CDK14: variants seen among roughly 807,000 people sequenced by gnomAD.
CDK14 encodes the protein cyclin-dependent kinase 14.
In CDK14, 34 loss-of-function variants were observed where a neutral mutation model predicts 60.7. That is an observed-to-expected ratio of 0.56 (90% CI 0.43 to 0.75). CDK14 has a LOEUF of 0.75. CDK14 is among the 30% of genes least tolerant of loss of function. The pLI, the probability that CDK14 is intolerant of heterozygous loss-of-function variation, is 0.00. For synonymous variants in CDK14, 197 were observed against 203.7 expected, an observed-to-expected ratio of 0.97 and a Z score of 0.28; for missense variants, 482 against 564.1, an observed-to-expected ratio of 0.85 and a Z score of 1.47.
In CDK14 at chr7:90,794,486, CCTTGG is replaced by C. The variant is rs149867365; in HGVS notation, c.544+3836_544+3840del. On this transcript the variant is annotated intron_variant, in intron 5 of 14. Transcript: ENST00000380050. ...CTAGGCGGCCATTTTAGAGACCTCC[CCTTGG>C]CAATGCATTCTCTTTCTCAGGGATG... 0.016 allele frequency among the ~76,000 whole-genome samples: 2,372 copies of C among 152,190 alleles called. 145 individuals carry two copies. In the East Asian group the frequency reaches 0.18, roughly 12 times the overall value.
rs750366400 is a variant in CDK14 at position 91,112,505 on chromosome 7, G to C, written c.1155-37G>C. 3 of 1,579,926 alleles carry C rather than the reference G, an allele frequency of 1.9e-6. No homozygotes were observed. In the South Asian group the frequency reaches 3.4e-5, roughly 18 times the overall value. On this transcript the variant is annotated intron_variant, in intron 12 of 14. Transcript: ENST00000380050. ...TATGTCTTATTTAGTGGATTTTCTTGTTTGGTCTGACCTCTCTTTTTTGCT... is the reference window on the plus strand; with the variant it reads ...TATGTCTTATTTAGTGGATTTTCTTCTTTGGTCTGACCTCTCTTTTTTGCT...
intron 4 of CDK14, among the ~76,000 whole-genome samples, chr7:90,767,955 A>C (rs968675371): frequency 6.6e-6 from 1 of 152,108 alleles, no homozygotes; most frequent in Admixed American, 6.6e-5. Flanking sequence ...CCAATTTTTC[A>C]TTATCTTTGT....
chr7:91,205,569 G>T (rs1802869973), intron 14 of CDK14, among the ~76,000 whole-genome samples: 1 of 152,160 alleles, frequency 6.6e-6, no homozygotes, highest in Non-Finnish European at 1.5e-5. Flanking sequence ...AAAGGATATA[G>T]GATCTCCTTT....
chr7:90,882,510 C>T (rs1288093771), intron 6 of CDK14, among the ~76,000 whole-genome samples: 1 of 152,098 alleles, frequency 6.6e-6, no homozygotes, highest in Non-Finnish European at 1.5e-5. Flanking sequence ...AACTTTAACA[C>T]CCATTGTCAA....
At chr7:90,721,574 A>G (rs1325692275) in intron 2 of CDK14, among the ~76,000 whole-genome samples, 1 of 152,058 alleles carries the variant, frequency 6.6e-6, no homozygotes, top group Non-Finnish European at 1.5e-5. Context: ...TAACAGCTGG[A>G]TGTTTCCTGG....
At chr7:90,745,021 CT>C (rs1357419246) in intron 3 of CDK14, among the ~76,000 whole-genome samples, 22 of 152,180 alleles carry the variant, frequency 1.4e-4, no homozygotes, top group African/African-American at 3.9e-4. Flanking sequence ...TTCCATTCCC[CT>C]CTCCCCAATT....
chr7:90,747,556 G>A, intron 3 of CDK14, 125 bp from the exon 4 acceptor site: 2 of 607,722 alleles, frequency 3.3e-6, no homozygotes, highest in Non-Finnish European at 5.8e-6. Context: ...AAATAAACAT[G>A]TATGCCAGAA....
intron 10 of CDK14, among the ~76,000 whole-genome samples, chr7:91,012,008 G>T (rs981576153): frequency 6.6e-6 from 1 of 151,824 alleles, no homozygotes; most frequent in Non-Finnish European, 1.5e-5. Context: ...GCCATATATC[G>T]TGAATTTTTT....
intron 5 of CDK14, among the ~76,000 whole-genome samples, chr7:90,814,908 C>T (rs1236956340): frequency 6.6e-6 from 1 of 152,234 alleles, no homozygotes; most frequent in East Asian, 1.9e-4. Context: ...AGAAGAAGGA[C>T]TCTCTTGCCT....
chr7:90,623,805 T>A (rs1308623104), intron 2 of CDK14, among the ~76,000 whole-genome samples: 1 of 152,190 alleles, frequency 6.6e-6, no homozygotes, highest in East Asian at 1.9e-4. Flanking sequence ...TTATTATCTC[T>A]CACTGTTGTT....
chr7:90,858,871 A>T (rs1278551898), intron 5 of CDK14, among the ~76,000 whole-genome samples: 1 of 152,232 alleles, frequency 6.6e-6, no homozygotes, highest in Non-Finnish European at 1.5e-5. Flanking sequence ...AATAATTGAA[A>T]GAAAGAAGAT....
chr7:91,149,803 C>G (rs1800780301), intron 14 of CDK14, among the ~76,000 whole-genome samples: 1 of 152,198 alleles, frequency 6.6e-6, no homozygotes, highest in Admixed American at 6.5e-5. Flanking sequence ...TGCCCTGATA[C>G]ATTCATTTTC....
At chr7:90,706,135 T>C (rs1315353151) in intron 2 of CDK14, among the ~76,000 whole-genome samples, 1 of 152,190 alleles carries the variant, frequency 6.6e-6, no homozygotes, top group Non-Finnish European at 1.5e-5. Flanking sequence ...AATTTTTATT[T>C]TAACCTCTAC....
At chr7:91,019,004 G>T (rs1482867398) in intron 10 of CDK14, among the ~76,000 whole-genome samples, 5 of 152,194 alleles carry the variant, frequency 3.3e-5, no homozygotes, top group Admixed American at 6.5e-5. Flanking sequence ...TCACATTGGG[G>T]ATTAGGTTTT....
intron 3 of CDK14, among the ~76,000 whole-genome samples, chr7:90,738,798 T>C (rs1438992641): frequency 6.6e-6 from 1 of 152,186 alleles, no homozygotes; most frequent in East Asian, 1.9e-4. Flanking sequence ...TTTGATCCAG[T>C]ATCTTTATTT....
chr7:91,087,969 C>A (rs575022886), intron 12 of CDK14, among the ~76,000 whole-genome samples: 90 of 152,196 alleles, frequency 5.9e-4, no homozygotes, highest in African/African-American at 2.1e-3. Context: ...GACAGTTTTC[C>A]AAATTAGATT....
At chr7:90,722,138 T>C (rs1802479080) in intron 2 of CDK14, among the ~76,000 whole-genome samples, 1 of 149,088 alleles carries the variant, frequency 6.7e-6, no homozygotes, top group South Asian at 2.2e-4. Flanking sequence ...TTCTCCCCTC[T>C]TACCCCTCTT....
intron 14 of CDK14, among the ~76,000 whole-genome samples, chr7:91,188,565 T>G (rs937809447): frequency 6.6e-6 from 1 of 152,200 alleles, no homozygotes; most frequent in African/African-American, 2.4e-5. Flanking sequence ...GATGGATGGA[T>G]ACATACATAC....
At chr7:90,861,497 A>G (rs889370834) in intron 5 of CDK14, among the ~76,000 whole-genome samples, 131 of 152,196 alleles carry the variant, frequency 8.6e-4, no homozygotes, top group African/African-American at 3.0e-3. Context: ...TATTCCAGAA[A>G]GACAAAACTG....
Sources: gnomAD v4.1 joint callset for allele counts (sites outside exome capture counted in the v4.1 genomes callset) on GRCh38, gnomAD v4.1.1 for gene constraint, MANE v1.5 for transcripts, NCBI Gene and HGNC (gene_info 2026-07-23, HGNC 2026-07-21) for gene names.